The following KSR2 variants were observed in gnomAD, a reference collection of about 807,000 sequenced individuals.
KSR2 encodes the protein kinase suppressor of ras 2.
A neutral mutation model predicts 107.8 loss-of-function variants in KSR2; 25 were observed. The observed-to-expected ratio is 0.23, with a 90% CI of 0.17 to 0.32. The LOEUF (loss-of-function observed/expected upper bound fraction) is 0.32, where lower values mean the gene tolerates loss of function less well. Ranked by LOEUF, KSR2 falls within the 10% of genes least tolerant of loss-of-function variation. The pLI, the probability that KSR2 is intolerant of heterozygous loss-of-function variation, is 1.00. For missense variants in KSR2, 887 were observed against 1,268.9 expected, an observed-to-expected ratio of 0.70 and a Z score of 4.57; for synonymous variants, 480 against 507.0, an observed-to-expected ratio of 0.95 and a Z score of 0.71.
At chr12:117,622,728 A>G (rs1442294200) in intron 5 of KSR2, among the ~76,000 whole-genome samples, 1 of 152,212 alleles carries the variant, frequency 6.6e-6, no homozygotes, top group Non-Finnish European at 1.5e-5. Context: ...TGAATTGTTT[A>G]GAAATGTCAT....
At chr12:117,595,351 CTTTTTTTTTTTTTT>C (rs71099060) in intron 5 of KSR2, among the ~76,000 whole-genome samples, 1 of 94,584 alleles carries the variant, frequency 1.1e-5, no homozygotes. Context: ...AGATCAAATT[CTTTTTTTTTTTTTT>C]TTTTTTTTTT....
At chr12:117,520,074 G>A (rs1874648704) in intron 14 of KSR2, among the ~76,000 whole-genome samples, 1 of 152,190 alleles carries the variant, frequency 6.6e-6, no homozygotes, top group African/African-American at 2.4e-5. Context: ...TGTCACCAAA[G>A]TGCTCACAGA....
intron 3 of KSR2, among the ~76,000 whole-genome samples, chr12:117,780,702 GT>G (rs1317574069): frequency 1.3e-5 from 2 of 152,138 alleles, no homozygotes; most frequent in African/African-American, 4.8e-5. Flanking sequence ...ACTTTGGTGT[GT>G]TTTCCTACAA....
chr12:117,488,369 C>T (rs1872581855), intron 14 of KSR2, among the ~76,000 whole-genome samples: 1 of 152,324 alleles, frequency 6.6e-6, no homozygotes, highest in South Asian at 2.1e-4. Flanking sequence ...GTTAAAGCAA[C>T]CTATCTGTTG....
At chr12:117,789,433 C>T (rs973790929) in intron 3 of KSR2, among the ~76,000 whole-genome samples, 2 of 152,180 alleles carry the variant, frequency 1.3e-5, no homozygotes, top group Non-Finnish European at 2.9e-5. Flanking sequence ...TGAGATGCTT[C>T]CACCTCTGTT....
chr12:117,848,628 A>G (rs1255484548), intron 3 of KSR2, among the ~76,000 whole-genome samples: 3 of 152,200 alleles, frequency 2.0e-5, no homozygotes, highest in African/African-American at 7.2e-5. Context: ...AAAGAATGAG[A>G]GTGCTTAATT....
rs538297963 is a variant in KSR2 at position 117,709,834 on chromosome 12, C to T, written c.987-42176G>A. Among the ~76,000 whole-genome samples, 25 of 152,324 alleles carry T rather than the reference C, an allele frequency of 1.6e-4. No homozygotes were observed. The South Asian group carries it at 3.1e-3, about 19-fold the overall frequency. On this transcript the variant is annotated intron_variant, in intron 4 of 19. Coordinates refer to ENST00000339824, the MANE Select transcript of KSR2 (RefSeq NM_173598.6). ...TGCCCACACAATGCCAGTAGCACCC[C>T]CACCCCAAGTGACAACCAAAATGGA...
At chr12:117,523,277 T>C (rs2137231015) in intron 14 of KSR2, among the ~76,000 whole-genome samples, 1 of 152,320 alleles carries the variant, frequency 6.6e-6, no homozygotes, top group Non-Finnish European at 1.5e-5. Flanking sequence ...ACAGCATCTG[T>C]TCTGGGCCTG....
chr12:117,860,409 C>G lies in KSR2; in HGVS notation c.203G>C (p.Ser68Thr), dbSNP rs1157618945. Residue 68 changes from serine to threonine, a missense_variant, in exon 2 of 20, where the codon AGC becomes ACC. Transcript: ENST00000339824. ...TLESKLVKYF[S>T]RQLSCKKKVA... ...CTTCTTTTTGCAGGACAGCTGCCGG[C>G]TGAAGTACTTCACCAGCTTGCTCTG... 1 of 1,610,672 alleles carries G rather than the reference C, an allele frequency of 6.2e-7. No homozygotes were observed. Among genetic ancestry groups the G allele is most frequent in the African/African-American group, 1.3e-5 (1 of 74,918 alleles).
At chr12:117,615,214 TACACACACACACACACACACAC>T (rs57116320) in intron 5 of KSR2, among the ~76,000 whole-genome samples, 10 of 147,916 alleles carry the variant, frequency 6.8e-5, no homozygotes, top group South Asian at 6.7e-4. Flanking sequence ...TCTCTTCAGT[TACACACACACACACACACACAC>T]ACACACACAC....
At chr12:117,927,699 AG>A (rs376148701) in intron 1 of KSR2, among the ~76,000 whole-genome samples, 25 of 151,974 alleles carry the variant, frequency 1.6e-4, no homozygotes, top group East Asian at 7.7e-4. Flanking sequence ...TCTGGAAAAA[AG>A]GAAAAAAAAA....
At chr12:117,612,411 A>C (rs1180609266) in intron 5 of KSR2, among the ~76,000 whole-genome samples, 3 of 152,110 alleles carry the variant, frequency 2.0e-5, no homozygotes, top group Non-Finnish European at 2.9e-5. Context: ...TCAAAAACAA[A>C]AAAAAGGTAA....
At chr12:117,947,522 C>T (rs916976896) in intron 1 of KSR2, among the ~76,000 whole-genome samples, 2 of 151,968 alleles carry the variant, frequency 1.3e-5, no homozygotes, top group African/African-American at 4.8e-5. Context: ...CTATTCCCAT[C>T]CAACATTGTA....
chr12:117,599,739 A>G (rs1003178085), intron 5 of KSR2, among the ~76,000 whole-genome samples: 1 of 152,180 alleles, frequency 6.6e-6, no homozygotes, highest in Admixed American at 6.5e-5. Flanking sequence ...CCACTGCCCT[A>G]GATCAAACAT....
At chr12:117,628,988 T>A (rs1882675057) in intron 5 of KSR2, among the ~76,000 whole-genome samples, 1 of 152,244 alleles carries the variant, frequency 6.6e-6, no homozygotes, top group South Asian at 2.1e-4. Context: ...CAAGGCTCCA[T>A]GGGCATGGGA....
intron 3 of KSR2, among the ~76,000 whole-genome samples, chr12:117,778,778 C>A (rs1258697792): frequency 6.6e-6 from 1 of 152,222 alleles, no homozygotes; most frequent in African/African-American, 2.4e-5. Context: ...ACCAGGAAAG[C>A]CACATTAGAG....
chr12:117,855,402 C>T (rs1264596765), intron 3 of KSR2, 26 bp downstream of exon 3: 1 of 1,613,826 alleles, frequency 6.2e-7, no homozygotes, highest in Non-Finnish European at 8.5e-7. Context: ...CAAGTCTCCA[C>T]ATCCCCGACC....
chr12:117,481,021 T>G (rs1872143904), intron 16 of KSR2, among the ~76,000 whole-genome samples: 1 of 151,894 alleles, frequency 6.6e-6, no homozygotes, highest in Admixed American at 6.6e-5. Flanking sequence ...GTGATTGCAC[T>G]ACTGCATTCC....
At chr12:117,837,869 A>G (rs1359778451) in intron 3 of KSR2, among the ~76,000 whole-genome samples, 1 of 152,234 alleles carries the variant, frequency 6.6e-6, no homozygotes, top group Non-Finnish European at 1.5e-5. Flanking sequence ...ACTCAAAGCA[A>G]CAGGTTCTCT....
Sources: gnomAD v4.1 joint callset for allele counts (sites outside exome capture counted in the v4.1 genomes callset) on GRCh38, gnomAD v4.1.1 for gene constraint, MANE v1.5 for transcripts, NCBI Gene and HGNC (gene_info 2026-07-23, HGNC 2026-07-21) for gene names.